Variants in NRG1 observed in about 807,000 individuals in gnomAD.
The protein encoded by NRG1 is neuregulin 1.
A neutral mutation model predicts 63.8 loss-of-function variants in NRG1; 18 were observed. The ratio of observed to expected loss-of-function variants is 0.28; its 90% CI spans 0.19 to 0.42. The LOEUF is 0.42. Ranked by LOEUF, NRG1 falls within the 10% of genes least tolerant of loss-of-function variation. The pLI is 1.00. For missense variants in NRG1, 762 were observed against 814.7 expected, an observed-to-expected ratio of 0.94 and a Z score of 0.79; for synonymous variants, 302 against 301.3, an observed-to-expected ratio of 1.00 and a Z score of -0.02.
At chr8:32,274,067 AAAG>A (rs1851827719) in intron 1 of NRG1, among the ~76,000 whole-genome samples, 1 of 152,226 alleles carries the variant, frequency 6.6e-6, no homozygotes, top group Non-Finnish European at 1.5e-5. Context: ...TGGTGGAAAA[AAAG>A]AAGAAAAAGA....
At chr8:32,413,926 GTTT>G (rs763196558) in intron 1 of NRG1, among the ~76,000 whole-genome samples, 1 of 143,430 alleles carries the variant, frequency 7.0e-6, no homozygotes, top group Non-Finnish European at 1.5e-5. Context: ...TTTCTTCTAG[GTTT>G]TTTTTTTTTT....
At chr8:32,419,944 T>C (rs1166205495) in intron 1 of NRG1, among the ~76,000 whole-genome samples, 2 of 152,192 alleles carry the variant, frequency 1.3e-5, no homozygotes, top group African/African-American at 2.4e-5. Context: ...TCTATTTTAA[T>C]AGTCCCAATA....
At chr8:32,493,728 C>T (rs1826868512) in intron 1 of NRG1, among the ~76,000 whole-genome samples, 2 of 152,114 alleles carry the variant, frequency 1.3e-5, no homozygotes, top group African/African-American at 4.8e-5. Context: ...TAAATAAATG[C>T]AAATACGCCA....
At chr8:31,669,339 G>A (rs1476001108) in intron 1 of NRG1, among the ~76,000 whole-genome samples, 1 of 151,848 alleles carries the variant, frequency 6.6e-6, no homozygotes, top group Admixed American at 6.6e-5. Flanking sequence ...CCAGGTTCAA[G>A]CGATTCTCCT....
At chr8:32,300,731 C>A (rs941038831) in intron 1 of NRG1, among the ~76,000 whole-genome samples, 5 of 152,112 alleles carry the variant, frequency 3.3e-5, no homozygotes, top group African/African-American at 7.2e-5. Flanking sequence ...GCACATCAGG[C>A]CTTAGACACA....
At chr8:31,851,588 A>G (rs990660637) in intron 1 of NRG1, among the ~76,000 whole-genome samples, 2 of 152,034 alleles carry the variant, frequency 1.3e-5, no homozygotes, top group Non-Finnish European at 1.5e-5. Context: ...ATATGGGAAT[A>G]CATTCTTATT....
At chr8:32,066,208 A>G (rs183137847) in intron 1 of NRG1, among the ~76,000 whole-genome samples, 3,349 of 152,198 alleles carry the variant, frequency 0.022, 43 homozygotes, top group South Asian at 0.081. Context: ...CCATTTGTCA[A>G]TTTTGGCCTT....
At chr8:31,870,377 T>C (rs1222952727) in intron 1 of NRG1, among the ~76,000 whole-genome samples, 1 of 152,124 alleles carries the variant, frequency 6.6e-6, no homozygotes, top group East Asian at 1.9e-4. Flanking sequence ...AAGATATAAA[T>C]AGAATGCTTT....
chr8:32,419,746 G>T (rs1816440572), intron 1 of NRG1, among the ~76,000 whole-genome samples: 1 of 152,016 alleles, frequency 6.6e-6, no homozygotes, highest in African/African-American at 2.4e-5. Context: ...TTGCATGCAA[G>T]GTAAACAAGA....
At chr8:31,771,196 C>T (rs1032234079) in intron 1 of NRG1, among the ~76,000 whole-genome samples, 2 of 152,282 alleles carry the variant, frequency 1.3e-5, no homozygotes, top group African/African-American at 4.8e-5. Context: ...TAATCTCCAT[C>T]ATTAAAAATT....
At chr8:31,873,191 G>T (rs1490429449) in intron 1 of NRG1, among the ~76,000 whole-genome samples, 1 of 152,148 alleles carries the variant, frequency 6.6e-6, no homozygotes, top group African/African-American at 2.4e-5. Context: ...GATGTAGGAG[G>T]TATTCTTGTA....
At chr8:32,172,189 A>G (rs1840141716) in intron 1 of NRG1, among the ~76,000 whole-genome samples, 1 of 152,212 alleles carries the variant, frequency 6.6e-6, no homozygotes, top group South Asian at 2.1e-4. Flanking sequence ...GCTGCTCACC[A>G]GTATCTGCTG....
At chr8:31,676,374 T>C (rs2131029430) in intron 1 of NRG1, among the ~76,000 whole-genome samples, 1 of 152,276 alleles carries the variant, frequency 6.6e-6, no homozygotes, top group East Asian at 1.9e-4. Context: ...GCTTCCTTCC[T>C]TTCTTCTTTA....
At chr8:32,021,716 A>G (rs1816481000) in intron 1 of NRG1, among the ~76,000 whole-genome samples, 1 of 148,694 alleles carries the variant, frequency 6.7e-6, no homozygotes, top group Non-Finnish European at 1.5e-5. Flanking sequence ...AAATGTATCT[A>G]TCAATCTTAA....
chr8:31,950,402 G>A (rs1803284362), intron 1 of NRG1, among the ~76,000 whole-genome samples: 1 of 152,150 alleles, frequency 6.6e-6, no homozygotes, highest in South Asian at 2.1e-4. Context: ...GTGGAGATGG[G>A]AATAAAACTG....
chr8:32,062,203 T>G (rs1185938950), intron 1 of NRG1, among the ~76,000 whole-genome samples: 3 of 151,992 alleles, frequency 2.0e-5, no homozygotes, highest in Non-Finnish European at 2.9e-5. Context: ...TAGAATTTGC[T>G]TGGAACGAAG....
At chr8:32,650,329 A>G (rs191364543) in intron 5 of NRG1, among the ~76,000 whole-genome samples, 231 of 152,272 alleles carry the variant, frequency 1.5e-3, no homozygotes, top group African/African-American at 5.3e-3. Context: ...GCACAGCTGC[A>G]ACGTTTTGAA....
chr8:32,131,117 A>T (rs1470510561), intron 1 of NRG1, among the ~76,000 whole-genome samples: 1 of 152,010 alleles, frequency 6.6e-6, no homozygotes, highest in Non-Finnish European at 1.5e-5. Flanking sequence ...ATTTCCAGAT[A>T]CATTTGTTAT....
chr8:32,621,602 G>GA (rs1217296283), intron 5 of NRG1, among the ~76,000 whole-genome samples: 1 of 152,136 alleles, frequency 6.6e-6, no homozygotes, highest in Non-Finnish European at 1.5e-5. Flanking sequence ...AAACAAAACG[G>GA]AAAATCTAAC....
Sources: gnomAD v4.1 joint callset for allele counts (sites outside exome capture counted in the v4.1 genomes callset) on GRCh38, gnomAD v4.1.1 for gene constraint, MANE v1.5 for transcripts, NCBI Gene and HGNC (gene_info 2026-07-23, HGNC 2026-07-21) for gene names.